Variants in UNC13C observed in about 807,000 individuals in gnomAD.
UNC13C encodes the protein unc-13 homolog C.
A neutral mutation model predicts 245.4 loss-of-function variants in UNC13C; 174 were observed. The ratio of observed to expected loss-of-function variants is 0.71; its 90% CI spans 0.63 to 0.80. The LOEUF (loss-of-function observed/expected upper bound fraction) is 0.80, where lower values mean the gene tolerates loss of function less well. Ranked by LOEUF, UNC13C falls within the 30% of genes least tolerant of loss-of-function variation. The pLI is 0.00. For synonymous variants in UNC13C, 992 were observed against 895.1 expected (o/e 1.11, Z -1.93); for missense variants, 2,829 against 2,602.9 (o/e 1.09, Z -1.89).
At chr15:53,929,302 A>G in the UNC13C span, among the ~76,000 whole-genome samples, 1 of 152,178 alleles carries the variant, frequency 6.6e-6, no homozygotes, top group South Asian at 2.1e-4. Flanking sequence ...ATGACATGTG[A>G]GAAATATGGG....
chr15:54,561,459 C>A (rs749795322), intron 29 of UNC13C, among the ~76,000 whole-genome samples: 2 of 151,774 alleles, frequency 1.3e-5, no homozygotes, highest in African/African-American at 4.8e-5. Context: ...CGTTTACAGG[C>A]TGGATAGAAA....
intron 30 of UNC13C, chr15:54,609,382 C>A (rs760790361): frequency 6.6e-6 from 1 of 152,138 alleles, no homozygotes. Context: ...GCAATTTGTT[C>A]ATGATAGCTG....
At chr15:54,203,737 CATAT>C (rs897141278) in intron 4 of UNC13C, among the ~76,000 whole-genome samples, 81 of 100,520 alleles carry the variant, frequency 8.1e-4, no homozygotes, top group African/African-American at 2.3e-3. Flanking sequence ...TACACATATA[CATAT>C]ATATGTATAT....
chr15:54,423,472 C>G lies in UNC13C; in HGVS notation c.4933+8405C>G, dbSNP rs191960033. ...ATTTGGAATTTGACACAATTTGGGG[C>G]CTGTTTTTGTGTACCTAGCTCTTTA... On this transcript the variant is annotated intron_variant, in intron 19 of 32. Coordinates refer to ENST00000260323, the MANE Select transcript of UNC13C (RefSeq NM_001080534.3). Among the ~76,000 whole-genome samples, 8 of 151,830 alleles carry G rather than the reference C, an allele frequency of 5.3e-5. No individual in the cohort carries two copies. The East Asian group carries it at 1.6e-3, about 30-fold the overall frequency.
At chr15:53,930,813 T>C in the UNC13C span, among the ~76,000 whole-genome samples, 1 of 152,206 alleles carries the variant, frequency 6.6e-6, no homozygotes, top group South Asian at 2.1e-4. Context: ...CCAGACATAG[T>C]TGCTTCCCTC....
rs927596862 is a variant in UNC13C, at chr15:54,332,257, C to T, written c.4494+146C>T. ...TACCCTTAGAAATAATCCAGCAGGT[C>T]TCCTTTTTTGTTCAGATTCTTTGCC... is the stretch of plus-strand genomic sequence containing the variant. On this transcript the variant is annotated intron_variant, in intron 15 of 32. Coordinates refer to ENST00000260323, the MANE Select transcript of UNC13C (RefSeq NM_001080534.3). The T allele has an allele frequency of 2.9e-4, 173 of 597,172 alleles. No individual in the cohort carries two copies. The East Asian group carries it at 4.3e-3, about 15-fold the overall frequency. The allele number at this position is 597,172 out of a possible 1,614,324, so 37.0% of individuals were successfully genotyped here. A position where few individuals can be genotyped will look rare whatever the true frequency, so the allele number is the denominator to read the frequency against.
chr15:54,373,129 G>A (rs2039528627), intron 17 of UNC13C, among the ~76,000 whole-genome samples: 1 of 152,160 alleles, frequency 6.6e-6, no homozygotes, highest in Non-Finnish European at 1.5e-5. Flanking sequence ...CATTGGTGCT[G>A]CCTCCTAGAA....
At chr15:54,214,951 C>CA (rs1032867372) in intron 4 of UNC13C, among the ~76,000 whole-genome samples, 16 of 150,900 alleles carry the variant, frequency 1.1e-4, no homozygotes, top group African/African-American at 2.4e-4. Flanking sequence ...GATTTTTTTT[C>CA]AAAAAAATAG....
At chr15:54,525,975 G>A (rs1237607564) in intron 25 of UNC13C, among the ~76,000 whole-genome samples, 1 of 152,078 alleles carries the variant, frequency 6.6e-6, no homozygotes, top group South Asian at 2.1e-4. Context: ...ACTGGCTATT[G>A]AAAGACTAAA....
chr15:53,988,719 G>A (rs1006628658), intron 1 of UNC13C, among the ~76,000 whole-genome samples: 1 of 151,900 alleles, frequency 6.6e-6, no homozygotes, highest in Non-Finnish European at 1.5e-5. Context: ...TTCATGAAGT[G>A]GACATCAAAG....
At chr15:54,300,656 C>G (rs1360237665) in intron 13 of UNC13C, among the ~76,000 whole-genome samples, 1 of 152,150 alleles carries the variant, frequency 6.6e-6, no homozygotes, top group Non-Finnish European at 1.5e-5. Context: ...TTATCCACCC[C>G]ATCCCAGACC....
At position 54,393,147 on chromosome 15, in the gene UNC13C, G is replaced by A; in HGVS notation, c.4813G>A (p.Glu1605Lys). The A allele has an allele frequency of 1.2e-6, 2 of 1,608,620 alleles. No homozygotes were observed. Among genetic ancestry groups the A allele is most frequent in the Non-Finnish European group, 1.7e-6 (2 of 1,177,790 alleles). ...LITLMVTIID[E>K]DKTAYTPVLN... ...TACACTGATGGTTACTATTATTGAT[G>A]AGGATAAAACTGCCTACACACCTGT... The change falls in exon 18 of 33, where the codon GAG (glutamate) becomes AAG (lysine). Residue 1605 changes from glutamate (E) to lysine (K), a missense_variant. By Grantham distance (56) the Glu-to-Lys change is moderately conservative. Coordinates refer to ENST00000260323, the MANE Select transcript of UNC13C (RefSeq NM_001080534.3).
Position 54,332,178 on chromosome 15 carries a change from T to C in UNC13C, c.4494+67T>C, listed in dbSNP as rs563125257. 58 of 1,096,952 alleles carry C rather than the reference T, an allele frequency of 5.3e-5. 2 individuals carry two copies. In the South Asian group the frequency reaches 9.2e-4, roughly 17 times the overall value. 68.0% of individuals were successfully genotyped at this position (1,096,952 alleles called of 1,614,324 possible). On this transcript the variant is annotated intron_variant, in intron 15 of 32. Coordinates refer to ENST00000260323, the MANE Select transcript of UNC13C (RefSeq NM_001080534.3). Reference sequence around the variant, plus strand: ...GTCTAGAGAATTTCTTGCCATATTGTAAAAATTACCCATCATGTAATAGAA... The same window carrying C: ...GTCTAGAGAATTTCTTGCCATATTGCAAAAATTACCCATCATGTAATAGAA...
intron 2 of UNC13C, among the ~76,000 whole-genome samples, chr15:54,044,603 A>G (rs1896951917): frequency 6.6e-6 from 1 of 152,178 alleles, no homozygotes; most frequent in Non-Finnish European, 1.5e-5. Context: ...CATTCTCACC[A>G]ACACTTGTTA....
intron 2 of UNC13C, among the ~76,000 whole-genome samples, chr15:54,108,229 CA>C (rs1425670069): frequency 6.6e-5 from 10 of 152,122 alleles, no homozygotes; most frequent in African/African-American, 2.2e-4. Context: ...CTCTGTCGCC[CA>C]GGCTGGAGTG....
chr15:53,998,110 G>T (rs537711006), intron 1 of UNC13C, among the ~76,000 whole-genome samples: 3 of 152,080 alleles, frequency 2.0e-5, no homozygotes, highest in East Asian at 3.9e-4. Flanking sequence ...GCCCAATCTT[G>T]TTCTTTTTAT....
the UNC13C span, among the ~76,000 whole-genome samples, chr15:53,905,828 T>C: frequency 4.6e-5 from 7 of 152,200 alleles, no homozygotes; most frequent in African/African-American, 1.7e-4. Context: ...AACTTGACTT[T>C]GGTGATTATT....
chr15:54,587,945 C>T (rs1898578087), intron 30 of UNC13C, among the ~76,000 whole-genome samples: 1 of 152,080 alleles, frequency 6.6e-6, no homozygotes, highest in Non-Finnish European at 1.5e-5. Flanking sequence ...ATTTGTTATG[C>T]CAAGTTTCAG....
chr15:54,297,165 C>A (rs1261668157), intron 11 of UNC13C, among the ~76,000 whole-genome samples: 1 of 152,106 alleles, frequency 6.6e-6, no homozygotes, highest in Non-Finnish European at 1.5e-5. Context: ...CACCGTTTTT[C>A]TTGATTTTGA....
Sources: gnomAD v4.1 joint callset for allele counts (sites outside exome capture counted in the v4.1 genomes callset) on GRCh38, gnomAD v4.1.1 for gene constraint, MANE v1.5 for transcripts, NCBI Gene and HGNC (gene_info 2026-07-23, HGNC 2026-07-21) for gene names.